COG4: variants seen among roughly 807,000 people sequenced by gnomAD.
The protein encoded by COG4 is conserved oligomeric Golgi complex subunit 4.
A neutral mutation model predicts 95.1 loss-of-function variants in COG4; 65 were observed. That is an observed-to-expected ratio of 0.68 (90% CI 0.56 to 0.84). The LOEUF is 0.84. COG4 is among the 40% of genes least tolerant of loss of function. The pLI, the probability that COG4 is intolerant of heterozygous loss-of-function variation, is 0.00. For synonymous variants in COG4, 421 were observed against 374.8 expected (o/e 1.12, Z -1.42); for missense variants, 1,045 against 989.1 (o/e 1.06, Z -0.76).
chr16:70,522,455 A>T (rs1164618738), intron 1 of COG4, among the ~76,000 whole-genome samples: 1 of 152,224 alleles, frequency 6.6e-6, no homozygotes, highest in African/African-American at 2.4e-5. Context: ...TGTTTCTAAA[A>T]ATAACAAAAC....
chr16:70,502,608 A>G (rs928799694), intron 8 of COG4, among the ~76,000 whole-genome samples: 1 of 152,090 alleles, frequency 6.6e-6, no homozygotes, highest in Non-Finnish European at 1.5e-5. Context: ...TCTTAAAAAA[A>G]AAAAAAAATT....
At chr16:70,495,536 G>C (rs998124023) in intron 12 of COG4, among the ~76,000 whole-genome samples, 1 of 152,120 alleles carries the variant, frequency 6.6e-6, no homozygotes, top group African/African-American at 2.4e-5. Flanking sequence ...TGAGCCTCAG[G>C]AGTCAAGACT....
intron 13 of COG4, among the ~76,000 whole-genome samples, chr16:70,485,897 CT>C (rs5817701): frequency 6.3e-5 from 9 of 143,218 alleles, no homozygotes; most frequent in Admixed American, 1.4e-4. Context: ...GAATGCCTGT[CT>C]TTTTTTTTTT....
At chr16:70,494,403 C>G (rs1317972134) in intron 12 of COG4, among the ~76,000 whole-genome samples, 2 of 152,152 alleles carry the variant, frequency 1.3e-5, no homozygotes, top group African/African-American at 4.8e-5. Flanking sequence ...CCAAATGAAT[C>G]AAGGTGACAT....
At position 70,509,303 on chromosome 16, in the gene COG4, C is replaced by T. The variant is rs1020168414; in HGVS notation, c.930G>A (p.Leu310=). ...CCACCTGTCTGTCACATTCCACCTGCAGATATTTGATCAGGGTATAGAGTC... is the reference window on the plus strand; with the variant it reads ...CCACCTGTCTGTCACATTCCACCTGTAGATATTTGATCAGGGTATAGAGTC... The part of the protein sequence containing the change: ...PGRLYTLIKY[L]QVECDRQVEK... Residue 310 remains leucine (L), a synonymous_variant, in exon 7 of 19, where the codon CTG becomes CTA. Coordinates refer to ENST00000323786, the MANE Select transcript of COG4 (RefSeq NM_015386.3). 7 of 1,614,066 alleles carry T rather than the reference C, an allele frequency of 4.3e-6. No individual in the cohort carries two copies. The African/African-American group carries it at 9.3e-5, about 22-fold the overall frequency.
intron 4 of COG4, among the ~76,000 whole-genome samples, chr16:70,513,349 G>C (rs2049750984): frequency 6.6e-6 from 1 of 152,180 alleles, no homozygotes; most frequent in Non-Finnish European, 1.5e-5. Context: ...CAAGTGCAAA[G>C]AACCCGCTGG....
intron 13 of COG4, among the ~76,000 whole-genome samples, chr16:70,485,949 G>A (rs532123520): frequency 6.7e-6 from 1 of 148,450 alleles, no homozygotes; most frequent in Non-Finnish European, 1.5e-5. Context: ...AGGCTGGAGT[G>A]CAGTGGCTTG....
At position 70,523,511 on chromosome 16, in the gene COG4, A is replaced by G. The variant is rs1597699705; in HGVS notation, c.33T>C (p.Pro11=). 7.4e-6 allele frequency: 12 copies of G among 1,613,970 alleles called. No individual in the cohort carries two copies. The highest frequency in any genetic ancestry group is 2.2e-5 in the East Asian group (1 of 44,870). The change falls in exon 1 of 19, where the codon CCT becomes CCC. Residue 11 remains proline, a synonymous_variant. Coordinates refer to ENST00000323786, the MANE Select transcript of COG4 (RefSeq NM_015386.3). ...GCTGCTGCACCCCTGACAGCTTCGG[A>G]GGCGAATCAAGGTCCGCCATCTTGG... The part of the protein sequence containing the change: MGTKMADLDS[P]PKLSGVQQPS...
Position 70,496,407 on chromosome 16 carries a change from C to T in COG4, c.1506G>A (p.Arg502=). Residue 502 remains arginine, a synonymous_variant, in exon 12 of 19, where the codon CGG becomes CGA. Transcript: ENST00000323786. ...GGAAGGTGGTGGCAGGAAAGCCCATCCGCAGCTTATTACACAGAACATCCC... is the reference window on the plus strand; with the variant it reads ...GGAAGGTGGTGGCAGGAAAGCCCATTCGCAGCTTATTACACAGAACATCCC... ...DFRDVLCNKL[R]MGFPATTFQD... 1 of 1,614,184 alleles carries T rather than the reference C, an allele frequency of 6.2e-7. No homozygotes were observed. The highest frequency in any genetic ancestry group is 8.5e-7 in the Non-Finnish European group (1 of 1,180,044).
At position 70,516,648 on chromosome 16, in the gene COG4, C is replaced by A. The variant is rs554072871; in HGVS notation, c.369+978G>T. ...ATAAGAGCTACTGGTCTGAAGTTTT[C>A]TGTGATATTTTTGTCTGGCTTTGTT... is the stretch of plus-strand genomic sequence containing the variant. On this transcript the variant is annotated intron_variant, in intron 3 of 18. Coordinates refer to ENST00000323786, the MANE Select transcript of COG4 (RefSeq NM_015386.3). 3.3e-5 allele frequency among the ~76,000 whole-genome samples: 5 copies of A among 151,854 alleles called. No homozygotes were observed. In the East Asian group the frequency reaches 9.7e-4, roughly 29 times the overall value.
intron 4 of COG4, 90 bp from the exon 5 acceptor site, chr16:70,512,522 A>C: frequency 9.4e-7 from 1 of 1,061,472 alleles, no homozygotes; most frequent in Non-Finnish European, 1.4e-6. Flanking sequence ...CATCCAGCAA[A>C]TACGTATTAA....
rs1212409898 is a variant in COG4, at chr16:70,506,618, C to CAAA, written c.1061+1785_1061+1787dup. Among the ~76,000 whole-genome samples the CAAA allele has an allele frequency of 5.0e-5, 3 of 59,910 alleles. 1 individual carries two copies. Among genetic ancestry groups the CAAA allele is most frequent in the African/African-American group, 1.9e-4 (3 of 15,544 alleles). The allele number at this position is 59,910 out of a possible 152,430, so 39.3% of individuals were successfully genotyped here. A position where few individuals can be genotyped will look rare whatever the true frequency, so the allele number is the denominator to read the frequency against. On this transcript the variant is annotated intron_variant, in intron 8 of 18. Transcript: ENST00000323786. ...CAAAAAAAAAAAAAAAAAAAAAAAA[C>CAAA]AAAAAAAAAAACATTTAGCTGGGAG...
At chr16:70,498,988 G>A (rs1232874764) in intron 9 of COG4, among the ~76,000 whole-genome samples, 3 of 152,294 alleles carry the variant, frequency 2.0e-5, no homozygotes, top group East Asian at 3.9e-4. Context: ...GCCAAGGCGC[G>A]AGGATCGCTT....
intron 13 of COG4, 30 bp from the exon 14 acceptor site, chr16:70,483,999 G>T: frequency 6.7e-7 from 1 of 1,502,214 alleles, no homozygotes; most frequent in South Asian, 1.1e-5. Context: ...TAAGACCACC[G>T]AGCACGCGTG....
intron 9 of COG4, among the ~76,000 whole-genome samples, chr16:70,500,365 C>CTGTTTTTT (rs2049422893): frequency 1.0e-5 from 1 of 96,174 alleles, no homozygotes; most frequent in African/African-American, 5.0e-5. Context: ...ATTATATACT[C>CTGTTTTTT]TTTTTTTTTT....
At chr16:70,483,829 T>G (rs543116084) in intron 14 of COG4, 24 bp downstream of exon 14, 1 of 1,509,610 alleles carries the variant, frequency 6.6e-7, no homozygotes, top group South Asian at 1.1e-5. Flanking sequence ...CAGGATTCAG[T>G]CAGCAGTTGA....
chr16:70,510,470 G>A (rs1055492471), intron 5 of COG4, among the ~76,000 whole-genome samples: 1 of 152,118 alleles, frequency 6.6e-6, no homozygotes, highest in African/African-American at 2.4e-5. Flanking sequence ...CTATAGGCGA[G>A]AGCCACCATG....
intron 6 of COG4, among the ~76,000 whole-genome samples, 157 bp from the exon 7 acceptor site, chr16:70,509,545 T>A (rs1253852470): frequency 6.6e-6 from 1 of 152,222 alleles, no homozygotes; most frequent in African/African-American, 2.4e-5. Context: ...TAGGGGTTGC[T>A]AGGCAAATAT....
In COG4 at chr16:70,523,350, AAAG is replaced by A. The variant is rs753446216; in HGVS notation, c.171+20_171+22del. On this transcript the variant is annotated intron_variant, in intron 1 of 18. Coordinates refer to ENST00000323786, the MANE Select transcript of COG4 (RefSeq NM_015386.3). ...CCACTCTCCCTAGATCCTCCATGAA[AAAG>A]AAGAGGCTCGACCCCGCACCTCCTC... The A allele has an allele frequency of 2.4e-5, 38 of 1,613,788 alleles. 1 individual carries two copies. In the Middle Eastern group the frequency reaches 6.6e-4, roughly 28 times the overall value.
Sources: gnomAD v4.1 joint callset for allele counts (sites outside exome capture counted in the v4.1 genomes callset) on GRCh38, gnomAD v4.1.1 for gene constraint, MANE v1.5 for transcripts, NCBI Gene and HGNC (gene_info 2026-07-23, HGNC 2026-07-21) for gene names.